Variants in ASB18 observed in about 807,000 individuals in gnomAD.
ASB18 encodes the protein ankyrin repeat and SOCS box containing 18, also known as ankyrin repeat and SOCS box protein 18.
Under a neutral mutation model 33.4 loss-of-function variants are expected in ASB18, and 33 were observed. That is an observed-to-expected ratio of 0.99 (90% CI 0.75 to 1.32). The LOEUF is 1.32. Among genes scored for constraint, ASB18 ranks in the 40% most tolerant of loss-of-function variants. The pLI is 0.00. For missense variants in ASB18, 694 were observed against 655.5 expected, an observed-to-expected ratio of 1.06 and a Z score of -0.64; for synonymous variants, 295 against 307.6, an observed-to-expected ratio of 0.96 and a Z score of 0.43.
intron 1 of ASB18, among the ~76,000 whole-genome samples, chr2:236,246,346 C>CAAAAAAAAAAAAAAAAAAAAAAAAAAAA (rs60064230): frequency 6.1e-5 from 2 of 32,700 alleles, no homozygotes; most frequent in African/African-American, 1.8e-4. Context: ...GACTCCATCT[C>CAAAAAAAAAAAAAAAAAAAAAAAAAAAA]AAAAAAAAAA....
At chr2:236,218,626 G>A (rs1381847679) in intron 3 of ASB18, among the ~76,000 whole-genome samples, 6 of 151,736 alleles carry the variant, frequency 4.0e-5, no homozygotes, top group African/African-American at 9.7e-5. Flanking sequence ...GTGAAACCCC[G>A]TCTCTACTAA....
In ASB18 at chr2:236,262,886, G is replaced by GAA. The variant is rs11410730; in HGVS notation, c.205+1254_205+1255insTT. Among the ~76,000 whole-genome samples the GAA allele has an allele frequency of 1.9e-3, 296 of 152,100 alleles. No individual in the cohort carries two copies. Among genetic ancestry groups the GAA allele is most frequent in the Admixed American group, 3.9e-3 (60 of 15,284 alleles). ...CCCAGAAAGTAGACCCAAACCAAGGGGGGGGGGCGGACCCCCTCGGAAGTT... is the reference window on the plus strand; with the variant it reads ...CCCAGAAAGTAGACCCAAACCAAGGGAAGGGGGGGCGGACCCCCTCGGAAGTT... On this transcript the variant is annotated intron_variant, in intron 1 of 5. Transcript: ENST00000409749. This position sits in a 1 kb window ranked among gnomAD's most constrained non-coding sequence, Gnocchi z 5.2.
intron 3 of ASB18, among the ~76,000 whole-genome samples, chr2:236,233,425 T>C (rs1457672948): frequency 1.3e-5 from 2 of 152,106 alleles, no homozygotes; most frequent in Non-Finnish European, 2.9e-5. Context: ...CACTGGAGGT[T>C]CTAGCCAGTG....
In ASB18 at chr2:236,256,433, G is replaced by T. The variant is rs73128948; in HGVS notation, c.205+7708C>A. Among the ~76,000 whole-genome samples the T allele has an allele frequency of 3.6e-3, 546 of 152,290 alleles. 3 individuals carry two copies. The highest frequency in any genetic ancestry group is 0.012 in the African/African-American group (519 of 41,576). On this transcript the variant is annotated intron_variant, in intron 1 of 5. Coordinates refer to ENST00000409749, the MANE Select transcript of ASB18 (RefSeq NM_212556.4). This position sits in a 1 kb window ranked among gnomAD's most constrained non-coding sequence, Gnocchi z 4.7. ...GAGGTTGGCATTAAAAGATAGTGGG[G>T]CATTGGATGGGAAGCTAGAATCAGG... is the stretch of plus-strand genomic sequence containing the variant.
chr2:236,233,286 T>G (rs537022064), intron 3 of ASB18, among the ~76,000 whole-genome samples: 126 of 152,234 alleles, frequency 8.3e-4, no homozygotes, highest in African/African-American at 3.0e-3. Context: ...AAGGGAGTTC[T>G]GTATCTCTGA....
Position 236,263,004 on chromosome 2 carries a change from G to A in ASB18, c.205+1137C>T, listed in dbSNP as rs2060726928. ...CCCATCTGTGTTCCTCCTGCATGTT[G>A]CGCACACGTGTGCATGTGATGCATG... On this transcript the variant is annotated intron_variant, in intron 1 of 5. Transcript: ENST00000409749. This position sits in a 1 kb window ranked among gnomAD's most constrained non-coding sequence, Gnocchi z 4.0. Among the ~76,000 whole-genome samples the A allele has an allele frequency of 6.6e-6, 1 of 152,154 alleles. No homozygotes were observed. The highest frequency in any genetic ancestry group is 2.4e-5 in the African/African-American group (1 of 41,426).
chr2:236,199,454 A>ATTT (rs1193885970), intron 4 of ASB18, among the ~76,000 whole-genome samples: 2 of 149,698 alleles, frequency 1.3e-5, no homozygotes, highest in Non-Finnish European at 3.0e-5. Flanking sequence ...ATACTGATCC[A>ATTT]TTTTTGCCTT....
chr2:236,214,358 T>A lies in ASB18; in HGVS notation c.1101+4A>T. The A allele has an allele frequency of 6.4e-7, 1 of 1,571,902 alleles. No individual in the cohort carries two copies. On this transcript the variant is annotated splice_donor_region_variant and intron_variant, in intron 4 of 5. Coordinates refer to ENST00000409749, the MANE Select transcript of ASB18 (RefSeq NM_212556.4). This position sits in a 1 kb window ranked among gnomAD's most constrained non-coding sequence, Gnocchi z 6.5. ...CGTGCCAGCCGGGCTGGATCCTGCCTTACCTTGGGGAAGGCGTCGGGCCAC... is the reference window on the plus strand; with the variant it reads ...CGTGCCAGCCGGGCTGGATCCTGCCATACCTTGGGGAAGGCGTCGGGCCAC...
Position 236,256,176 on chromosome 2 carries a change from C to A in ASB18, c.205+7965G>T, listed in dbSNP as rs1017456574. On this transcript the variant is annotated intron_variant, in intron 1 of 5. Coordinates refer to ENST00000409749, the MANE Select transcript of ASB18 (RefSeq NM_212556.4). This position sits in a 1 kb window ranked among gnomAD's most constrained non-coding sequence, Gnocchi z 4.7. The stretch of plus-strand genomic sequence containing the variant: ...AAGTAACTGGGACTATAGGTGTGTG[C>A]CATCATGCCCAGGCTAATTGGTGTA... Among the ~76,000 whole-genome samples, 1 of 152,040 alleles carries A rather than the reference C, an allele frequency of 6.6e-6. No individual in the cohort carries two copies. Among genetic ancestry groups the A allele is most frequent in the African/African-American group, 2.4e-5 (1 of 41,400 alleles).
At position 236,244,280 on chromosome 2, in the gene ASB18, AG is replaced by A. The variant is rs1220089815; in HGVS notation, c.206-2879del. 6.6e-6 allele frequency among the ~76,000 whole-genome samples: 1 copy of A among 152,216 alleles called. No individual in the cohort carries two copies. The highest frequency in any genetic ancestry group is 6.5e-5 in the Admixed American group (1 of 15,286). On this transcript the variant is annotated intron_variant, in intron 1 of 5. Transcript: ENST00000409749. The surrounding 1 kb of genome is among the most constrained non-coding windows in gnomAD (Gnocchi z 6.1). ...GCTGGAGGGAGGTGAAAGGGTCAGG[AG>A]GGCTTTGCCTGGATGAGCAGAGAGA...
In ASB18 at chr2:236,238,065, A is replaced by G. The variant is rs1205651655; in HGVS notation, c.329-109T>C. ...GTGAAGCCGTCTCTTAAAGGTAGGT[A>G]CCAGGTAGGCATGTAGGGAGAAGAG... On this transcript the variant is annotated intron_variant, in intron 2 of 5. Transcript: ENST00000409749. The surrounding 1 kb of genome is among the most constrained non-coding windows in gnomAD (Gnocchi z 5.2). 4 of 919,256 alleles carry G rather than the reference A, an allele frequency of 4.4e-6. No individual in the cohort carries two copies. The highest frequency in any genetic ancestry group is 4.5e-6 in the Non-Finnish European group (3 of 669,996). The allele number at this position is 919,256 out of a possible 1,614,324, so 56.9% of individuals were successfully genotyped here. A position where few individuals can be genotyped will look rare whatever the true frequency, so the allele number is the denominator to read the frequency against.
chr2:236,227,726 T>C (rs2060546970), intron 3 of ASB18, among the ~76,000 whole-genome samples: 1 of 152,232 alleles, frequency 6.6e-6, no homozygotes, highest in Non-Finnish European at 1.5e-5. Context: ...ACTTTTGCAA[T>C]TGATTTGGTT....
rs1338412010 is a variant in ASB18, at chr2:236,205,904, A to T, written c.1101+8458T>A. ...GCCTGGTTTTTATTCCTTTATGAAT[A>T]GCCTGTTTTCTGCTTAAATACTTTG... On this transcript the variant is annotated intron_variant, in intron 4 of 5. Transcript: ENST00000409749. This position sits in a 1 kb window ranked among gnomAD's most constrained non-coding sequence, Gnocchi z 5.4. Among the ~76,000 whole-genome samples the T allele has an allele frequency of 6.6e-6, 1 of 152,232 alleles. No homozygotes were observed. Among genetic ancestry groups the T allele is most frequent in the Admixed American group, 6.5e-5 (1 of 15,282 alleles).
At position 236,213,450 on chromosome 2, in the gene ASB18, T is replaced by C. The variant is rs886435139; in HGVS notation, c.1101+912A>G. On this transcript the variant is annotated intron_variant, in intron 4 of 5. Transcript: ENST00000409749. The surrounding 1 kb of genome is among the most constrained non-coding windows in gnomAD (Gnocchi z 4.8). ...GTTCAAAACTAATCAGGCCAAAATA[T>C]GTCTTATGTCTATGAGTGATGAGTC... is the stretch of plus-strand genomic sequence containing the variant. Among the ~76,000 whole-genome samples the C allele has an allele frequency of 2.0e-5, 3 of 152,156 alleles. No homozygotes were observed. Among genetic ancestry groups the C allele is most frequent in the African/African-American group, 7.2e-5 (3 of 41,432 alleles).
At position 236,200,509 on chromosome 2, in the gene ASB18, C is replaced by T. The variant is rs2106262928; in HGVS notation, c.1102-4124G>A. ...TACCACCCTGGGCTGAAGGGCCAGT[C>T]AGGTGAGCTGTCGTAGCAGAAGCAG... On this transcript the variant is annotated intron_variant, in intron 4 of 5. Transcript: ENST00000409749. The surrounding 1 kb of genome is among the most constrained non-coding windows in gnomAD (Gnocchi z 4.2). Among the ~76,000 whole-genome samples the T allele has an allele frequency of 6.6e-6, 1 of 152,344 alleles. No homozygotes were observed. Among genetic ancestry groups the T allele is most frequent in the African/African-American group, 2.4e-5 (1 of 41,570 alleles).
rs2060513579 is a variant in ASB18, at chr2:236,221,664, A to G, written c.597-6798T>C. Among the ~76,000 whole-genome samples, 1 of 152,160 alleles carries G rather than the reference A, an allele frequency of 6.6e-6. No individual in the cohort carries two copies. Among genetic ancestry groups the G allele is most frequent in the Non-Finnish European group, 1.5e-5 (1 of 68,028 alleles). ...GCCCAGTCTCAGGTATGTCTTTATC[A>G]GAAGCGTGAAAACGGACTAATACAG... is the stretch of plus-strand genomic sequence containing the variant. On this transcript the variant is annotated intron_variant, in intron 3 of 5. Coordinates refer to ENST00000409749, the MANE Select transcript of ASB18 (RefSeq NM_212556.4). The surrounding 1 kb of genome is among the most constrained non-coding windows in gnomAD (Gnocchi z 5.6).
In ASB18 at chr2:236,234,195, G is replaced by GGTT. The variant is rs1559334279; in HGVS notation, c.596+3491_596+3493dup. 6.6e-6 allele frequency among the ~76,000 whole-genome samples: 1 copy of GGTT among 152,136 alleles called. No individual in the cohort carries two copies. Among genetic ancestry groups the GGTT allele is most frequent in the African/African-American group, 2.4e-5 (1 of 41,424 alleles). On this transcript the variant is annotated intron_variant, in intron 3 of 5. Transcript: ENST00000409749. This position sits in a 1 kb window ranked among gnomAD's most constrained non-coding sequence, Gnocchi z 4.1. ...TTGGTAGAACACCTGGATACTCCTG[G>GGTT]GTTGGAAGCTTGTAAGGAGTTGCTA...
rs1328878855 is a variant in ASB18 at position 236,223,501 on chromosome 2, G to T, written c.597-8635C>A. ...GGGGGGAGCTTTAAACTGGATGAGAGAAACATTGTATGCATGTAGGTATGT... is the reference window on the plus strand; with the variant it reads ...GGGGGGAGCTTTAAACTGGATGAGATAAACATTGTATGCATGTAGGTATGT... On this transcript the variant is annotated intron_variant, in intron 3 of 5. Coordinates refer to ENST00000409749, the MANE Select transcript of ASB18 (RefSeq NM_212556.4). This position sits in a 1 kb window ranked among gnomAD's most constrained non-coding sequence, Gnocchi z 4.6. Among the ~76,000 whole-genome samples the T allele has an allele frequency of 6.6e-6, 1 of 152,148 alleles. No individual in the cohort carries two copies. The highest frequency in any genetic ancestry group is 1.5e-5 in the Non-Finnish European group (1 of 68,020).
chr2:236,243,484 T>C (rs1396603482), intron 1 of ASB18, among the ~76,000 whole-genome samples: 2 of 152,074 alleles, frequency 1.3e-5, no homozygotes, highest in African/African-American at 4.8e-5. Flanking sequence ...GTGGCCACCC[T>C]GAGGATGTGT....
Sources: gnomAD v4.1 joint callset for allele counts (sites outside exome capture counted in the v4.1 genomes callset) on GRCh38, gnomAD v4.1.1 for gene constraint, Gnocchi (gnomAD v3.1) non-coding constraint, MANE v1.5 for transcripts, NCBI Gene and HGNC (gene_info 2026-07-23, HGNC 2026-07-21) for gene names.